C13orf42: variants seen among roughly 807,000 people sequenced by gnomAD.
The protein encoded by C13orf42 is uncharacterized protein C13orf42.
At chr13:51,158,922 A>G (rs1015284631) in intron 1 of C13orf42, among the ~76,000 whole-genome samples, 4 of 152,200 alleles carry the variant, frequency 2.6e-5, no homozygotes, top group East Asian at 3.8e-4. Flanking sequence ...ATTTTTTCCA[A>G]TGACAGTGGT....
intron 1 of C13orf42, among the ~76,000 whole-genome samples, chr13:51,153,307 G>A (rs545677881): frequency 6.6e-6 from 1 of 152,034 alleles, no homozygotes; most frequent in African/African-American, 2.4e-5. Context: ...CTCAGAGTGT[G>A]GGAGCCAGGC....
intron 1 of C13orf42, among the ~76,000 whole-genome samples, chr13:51,102,069 C>T (rs1000413516): frequency 3.3e-5 from 5 of 152,124 alleles, no homozygotes; most frequent in African/African-American, 7.2e-5. Context: ...TGCCATCTTG[C>T]GGAGAACTCT....
At chr13:51,091,660 G>T (rs756173326) in intron 1 of C13orf42, among the ~76,000 whole-genome samples, 8 of 152,064 alleles carry the variant, frequency 5.3e-5, no homozygotes, top group Non-Finnish European at 8.8e-5. Flanking sequence ...AATTAATTTA[G>T]ACAATTAAGT....
chr13:51,115,798 G>A (rs575577289), upstream of C13orf42, among the ~76,000 whole-genome samples: 36 of 152,328 alleles, frequency 2.4e-4, no homozygotes, highest in African/African-American at 8.4e-4. Flanking sequence ...CCCATGTCAC[G>A]AAGTCCAAGT....
chr13:51,158,356 A>G (rs1236427897), intron 1 of C13orf42, among the ~76,000 whole-genome samples: 1 of 152,246 alleles, frequency 6.6e-6, no homozygotes, highest in African/African-American at 2.4e-5. Flanking sequence ...CTCAAGCAAG[A>G]AAAGAGCAGG....
chr13:51,145,750 G>A (rs534730049), intron 1 of C13orf42, among the ~76,000 whole-genome samples: 43 of 152,134 alleles, frequency 2.8e-4, no homozygotes, highest in African/African-American at 1.0e-3. Flanking sequence ...TCACCCATCT[G>A]TGACCTGGAA....
intron 1 of C13orf42, among the ~76,000 whole-genome samples, chr13:51,117,832 G>C (rs1168591342): frequency 6.6e-6 from 1 of 152,154 alleles, no homozygotes; most frequent in Admixed American, 6.5e-5. Flanking sequence ...TAATCCAGGG[G>C]AGATGTCTCT....
At chr13:51,086,743 C>T (rs746512935) in intron 2 of C13orf42, among the ~76,000 whole-genome samples, 1 of 152,108 alleles carries the variant, frequency 6.6e-6, no homozygotes, top group Admixed American at 6.6e-5. Flanking sequence ...ATGACCCTTG[C>T]ATCCTTAGTG....
intron 1 of C13orf42, among the ~76,000 whole-genome samples, chr13:51,097,007 A>T (rs1304982931): frequency 6.6e-6 from 1 of 152,106 alleles, no homozygotes; most frequent in Non-Finnish European, 1.5e-5. Context: ...ACTGCTTTTT[A>T]AAAAAACAAA....
chr13:51,140,807 G>A (rs566986965), intron 1 of C13orf42, among the ~76,000 whole-genome samples: 3 of 152,180 alleles, frequency 2.0e-5, no homozygotes, highest in Non-Finnish European at 2.9e-5. Context: ...TTCTAGGATG[G>A]TAGAGACCAT....
rs61736776 is a variant in C13orf42 at position 51,085,327 on chromosome 13, G to A, written c.795C>T (p.Cys265=). 5.0e-6 allele frequency: 2 copies of A among 398,186 alleles called. No homozygotes were observed. The highest frequency in any genetic ancestry group is 4.1e-5 in the African/African-American group (2 of 48,516). 24.7% of individuals were successfully genotyped at this position (398,186 alleles called of 1,614,324 possible). ...FNTWKFKPKA[C]KKDLGSSRQI... The stretch of plus-strand genomic sequence containing the variant: ...TTAGCCCAAGCACTTACTCTTTTTT[G>A]CAGGCTTTGGGCTTAAATTTCCAGG... The change falls in exon 3 of 4, where the codon TGC becomes TGT. Residue 265 remains cysteine (C), a synonymous_variant. Coordinates refer to ENST00000563710, the MANE Select transcript of C13orf42 (RefSeq NM_001351589.3).
upstream of C13orf42, among the ~76,000 whole-genome samples, chr13:51,112,439 A>G (rs925915211): frequency 6.6e-6 from 1 of 152,186 alleles, no homozygotes; most frequent in Non-Finnish European, 1.5e-5. Context: ...AAATAAAAAC[A>G]TTTTTAAATG....
intron 1 of C13orf42, among the ~76,000 whole-genome samples, chr13:51,119,707 A>G (rs1953518429): frequency 2.0e-5 from 3 of 152,186 alleles, no homozygotes; most frequent in African/African-American, 7.2e-5. Context: ...GAGTAATGAA[A>G]TTCATAGAGA....
At position 51,155,478 on chromosome 13, in the gene C13orf42, A is replaced by AGGTGT. The variant is rs549852426; in HGVS notation, n.136+16774_136+16775insACACC. On this transcript the variant is annotated intron_variant and non_coding_transcript_variant, in intron 1 of 4. Coordinates refer to the C13orf42 transcript ENST00000433280. ...CCAGGTGTATTTGTGTGAACTCTTCAAGTATGAGCGCTGGAAACCCACTAC... is the reference window on the plus strand; with the variant it reads ...CCAGGTGTATTTGTGTGAACTCTTCAGGTGTAGTATGAGCGCTGGAAACCCACTAC... Among the ~76,000 whole-genome samples the AGGTGT allele has an allele frequency of 1.3e-3, 204 of 152,318 alleles. 2 individuals are homozygous for AGGTGT. In the East Asian group the frequency reaches 0.037, roughly 28 times the overall value.
At chr13:51,154,246 C>T (rs549175138) in intron 1 of C13orf42, among the ~76,000 whole-genome samples, 11 of 152,244 alleles carry the variant, frequency 7.2e-5, no homozygotes, top group Admixed American at 3.3e-4. Flanking sequence ...TGTAGATGGA[C>T]ATTTAAGTTC....
At chr13:51,096,984 C>T (rs1953240776) in intron 1 of C13orf42, among the ~76,000 whole-genome samples, 2 of 152,138 alleles carry the variant, frequency 1.3e-5, no homozygotes, top group Non-Finnish European at 2.9e-5. Context: ...TACAAGCAAG[C>T]ATATTTGTAT....
At chr13:51,148,807 C>T (rs2138036491) in intron 1 of C13orf42, among the ~76,000 whole-genome samples, 1 of 152,306 alleles carries the variant, frequency 6.6e-6, no homozygotes, top group Admixed American at 6.5e-5. Context: ...GCCGCCAGGC[C>T]CCAGCTGGGC....
intron 1 of C13orf42, among the ~76,000 whole-genome samples, chr13:51,107,085 G>A (rs1172877973): frequency 6.6e-6 from 1 of 152,210 alleles, no homozygotes; most frequent in Non-Finnish European, 1.5e-5. Context: ...GGCTCACCTC[G>A]CTTCTAGTGT....
rs78189447 is a variant in C13orf42, at chr13:51,159,058, A to T, written n.136+13195T>A. The stretch of plus-strand genomic sequence containing the variant: ...AGTTCTCAGGGACTGATTAGATGCC[A>T]GAATGAATCCACCAATCTCCCTCTC... On this transcript the variant is annotated intron_variant and non_coding_transcript_variant, in intron 1 of 4. Transcript: ENST00000433280. Among the ~76,000 whole-genome samples the T allele has an allele frequency of 6.5e-4, 99 of 152,306 alleles. No individual in the cohort carries two copies. The East Asian group carries it at 0.017, about 26-fold the overall frequency.
Sources: gnomAD v4.1 joint callset for allele counts (sites outside exome capture counted in the v4.1 genomes callset) on GRCh38, gnomAD v4.1.1 for gene constraint, MANE v1.5 for transcripts, NCBI Gene and HGNC (gene_info 2026-07-23, HGNC 2026-07-21) for gene names.